Variants in TENM3 observed in about 807,000 individuals in gnomAD.
TENM3 encodes teneurin-3.
In TENM3, 63 loss-of-function variants were observed where a neutral mutation model predicts 255.1. That is an observed-to-expected ratio of 0.25 (90% CI 0.20 to 0.30). TENM3 has a LOEUF of 0.30. Among genes scored for constraint, TENM3 ranks in the 10% least tolerant of loss-of-function variants. The pLI is 1.00. For synonymous variants in TENM3, 1,306 were observed against 1,322.3 expected, an observed-to-expected ratio of 0.99 and a Z score of 0.27; for missense variants, 2,929 against 3,461.1, an observed-to-expected ratio of 0.85 and a Z score of 3.86.
chr4:181,980,803 G>T, the TENM3 span, among the ~76,000 whole-genome samples: 4 of 151,972 alleles, frequency 2.6e-5, no homozygotes, highest in East Asian at 5.8e-4. Flanking sequence ...ACAACATTTG[G>T]TTTTGCTTCT....
the TENM3 span, among the ~76,000 whole-genome samples, chr4:181,606,230 T>G: frequency 3.3e-5 from 5 of 152,328 alleles, no homozygotes; most frequent in South Asian, 4.1e-4. Flanking sequence ...TCCAATCTAC[T>G]GGAGCAGCCA....
chr4:182,530,142 TAGTC>T (rs1209199371), intron 3 of TENM3, among the ~76,000 whole-genome samples: 1 of 152,238 alleles, frequency 6.6e-6, no homozygotes, highest in Non-Finnish European at 1.5e-5. Context: ...ATTCATCTCA[TAGTC>T]AGAGACTTGT....
At chr4:181,667,972 T>C in the TENM3 span, among the ~76,000 whole-genome samples, 2 of 152,184 alleles carry the variant, frequency 1.3e-5, no homozygotes, top group African/African-American at 2.4e-5. Flanking sequence ...TTCCACTTAA[T>C]GTTTCACTTG....
chr4:182,353,192 A>G (rs951623294), intron 3 of TENM3, among the ~76,000 whole-genome samples: 3 of 152,208 alleles, frequency 2.0e-5, no homozygotes, highest in South Asian at 4.1e-4. Flanking sequence ...AGCTTTATCC[A>G]GGAACCTTTT....
At chr4:182,411,602 T>G (rs1389502658) in intron 3 of TENM3, among the ~76,000 whole-genome samples, 1 of 152,152 alleles carries the variant, frequency 6.6e-6, no homozygotes, top group African/African-American at 2.4e-5. Context: ...AAATGAGTGT[T>G]TCAGATGATG....
chr4:181,604,035 A>T, the TENM3 span, among the ~76,000 whole-genome samples: 2 of 152,018 alleles, frequency 1.3e-5, no homozygotes, highest in Admixed American at 6.6e-5. Flanking sequence ...GAGGCCGAGG[A>T]GGGTGGATCA....
the TENM3 span, among the ~76,000 whole-genome samples, chr4:181,949,235 A>T: frequency 6.6e-6 from 1 of 152,224 alleles, no homozygotes; most frequent in African/African-American, 2.4e-5. Flanking sequence ...CCTCAAATGA[A>T]TTAAATACAA....
chr4:182,069,683 AT>A, the TENM3 span, among the ~76,000 whole-genome samples: 3 of 65,000 alleles, frequency 4.6e-5, no homozygotes, highest in South Asian at 6.1e-4. Context: ...ACATAGATGC[AT>A]AAACACACAC....
chr4:181,729,301 T>C, the TENM3 span, among the ~76,000 whole-genome samples: 1 of 152,092 alleles, frequency 6.6e-6, no homozygotes, highest in Non-Finnish European at 1.5e-5. Context: ...ATGTGGACAA[T>C]GGAAGGGGAA....
At chr4:182,168,076 G>T (rs1486700496) in intron 1 of TENM3, among the ~76,000 whole-genome samples, 12 of 152,024 alleles carry the variant, frequency 7.9e-5, no homozygotes, top group African/African-American at 2.9e-4. Context: ...AAACTAAAGG[G>T]ACTAGACCCC....
intron 3 of TENM3, among the ~76,000 whole-genome samples, chr4:182,595,650 G>GA (rs1240483606): frequency 1.3e-5 from 2 of 152,140 alleles, no homozygotes; most frequent in Non-Finnish European, 2.9e-5. Context: ...CACGTGGAAA[G>GA]AAAGAGTAAA....
At chr4:182,692,496 T>A (rs141724024) in intron 12 of TENM3, among the ~76,000 whole-genome samples, 3 of 152,176 alleles carry the variant, frequency 2.0e-5, no homozygotes, top group Non-Finnish European at 4.4e-5. Context: ...AGGGTAATGA[T>A]TGAATAACAT....
the TENM3 span, among the ~76,000 whole-genome samples, chr4:181,569,454 G>A: frequency 2.0e-5 from 3 of 152,146 alleles, no homozygotes; most frequent in African/African-American, 7.2e-5. Context: ...TAGAATGTAA[G>A]GATTGTAGAA....
the TENM3 span, among the ~76,000 whole-genome samples, chr4:181,984,599 A>G: frequency 7.2e-5 from 11 of 152,094 alleles, no homozygotes; most frequent in African/African-American, 2.4e-4. Flanking sequence ...GCAAAGGATT[A>G]TAAACCTTAT....
chr4:182,362,569 C>T (rs568781045), intron 3 of TENM3, among the ~76,000 whole-genome samples: 25 of 152,226 alleles, frequency 1.6e-4, no homozygotes, highest in Admixed American at 3.3e-4. Flanking sequence ...TTTTTAAGCC[C>T]GTCGGAAAAG....
Position 182,773,475 on chromosome 4 carries a change from T to C in TENM3, c.4896T>C (p.Tyr1632=). 6.2e-7 allele frequency: 1 copy of C among 1,611,512 alleles called. No individual in the cohort carries two copies. The highest frequency in any genetic ancestry group is 8.5e-7 in the Non-Finnish European group (1 of 1,178,716). The change falls in exon 23 of 28, where the codon TAT becomes TAC. Residue 1632 remains tyrosine, a synonymous_variant. Transcript: ENST00000511685. ...AGTTAATGCCTCTTGTATTTAGCTA[T>C]GACAGTGAAGGTCGTCTGACAAATG... ...DETGWTTFFD[Y]DSEGRLTNVT...
At chr4:182,589,159 C>A (rs1462544400) in intron 3 of TENM3, among the ~76,000 whole-genome samples, 2 of 152,102 alleles carry the variant, frequency 1.3e-5, no homozygotes, top group Non-Finnish European at 2.9e-5. Flanking sequence ...AAGCTCTATT[C>A]TTGCCTTCTA....
the TENM3 span, among the ~76,000 whole-genome samples, chr4:181,708,630 T>C: frequency 6.6e-6 from 1 of 152,048 alleles, no homozygotes; most frequent in South Asian, 2.1e-4. Context: ...TATGACCTTA[T>C]TATTCTCCTG....
chr4:182,168,519 T>G (rs553983505), intron 1 of TENM3, among the ~76,000 whole-genome samples: 1 of 152,344 alleles, frequency 6.6e-6, no homozygotes, highest in East Asian at 1.9e-4. Context: ...AGGCTTTGTG[T>G]TAAGCTCCTG....
Sources: allele counts gnomAD v4.1 joint callset (sites outside exome capture counted in the v4.1 genomes callset), GRCh38; gene constraint gnomAD v4.1.1; transcripts MANE v1.5; gene names NCBI Gene and HGNC (gene_info 2026-07-23, HGNC 2026-07-21).